The following ZNF292 variants were observed in gnomAD, a reference collection of about 807,000 sequenced individuals.
ZNF292 encodes the protein 16 zinc-finger domain protein.
In ZNF292, 26 loss-of-function variants were observed where a neutral mutation model predicts 217.9. The ratio of observed to expected loss-of-function variants is 0.12; its 90% CI spans 0.09 to 0.17. ZNF292 has a LOEUF of 0.17. ZNF292 is among the 10% of genes least tolerant of loss of function. The pLI, the probability that ZNF292 is intolerant of heterozygous loss-of-function variation, is 1.00. For synonymous variants in ZNF292, 1,257 were observed against 1,124.1 expected, an observed-to-expected ratio of 1.12 and a Z score of -2.37; for missense variants, 2,904 against 3,175.2, an observed-to-expected ratio of 0.91 and a Z score of 2.05.
intron 1 of ZNF292, among the ~76,000 whole-genome samples, chr6:87,170,855 TA>T (rs1480859174): frequency 6.6e-6 from 1 of 152,212 alleles, no homozygotes; most frequent in African/African-American, 2.4e-5. Flanking sequence ...TTTGTTTCTT[TA>T]TCCTTCAAAT....
intron 1 of ZNF292, among the ~76,000 whole-genome samples, chr6:87,198,226 A>G (rs1487543679): frequency 6.7e-6 from 1 of 150,112 alleles, no homozygotes; most frequent in Non-Finnish European, 1.5e-5. Flanking sequence ...ATTTTTTGAG[A>G]TGGAGTCTCG....
chr6:87,194,533 G>T lies in ZNF292; in HGVS notation c.169-21370G>T, dbSNP rs150993119. Among the ~76,000 whole-genome samples the T allele has an allele frequency of 2.7e-3, 415 of 152,186 alleles. 1 individual carries two copies. The highest frequency in any genetic ancestry group is 4.0e-3 in the Non-Finnish European group (271 of 67,998). ...ATAAGGAGACAACCATGGATCTAGG[G>T]GGGAGGAACTAAGTTTGCTGCTCTG... On this transcript the variant is annotated intron_variant, in intron 1 of 7. Transcript: ENST00000369577.
At chr6:87,157,063 T>A (rs1256856617) in intron 1 of ZNF292, among the ~76,000 whole-genome samples, 1 of 152,230 alleles carries the variant, frequency 6.6e-6, no homozygotes, top group Non-Finnish European at 1.5e-5. Context: ...ATTTTTTAGC[T>A]TCCAAATATT....
intron 2 of ZNF292, 70 bp downstream of exon 2, chr6:87,216,127 AC>A: frequency 5.1e-6 from 2 of 392,816 alleles, no homozygotes; most frequent in Non-Finnish European, 6.7e-6. Context: ...ACACACACAC[AC>A]ACACACACAC....
intron 1 of ZNF292, chr6:87,170,158 G>T (rs1325507714): frequency 2.0e-5 from 3 of 152,080 alleles, no homozygotes; most frequent in African/African-American, 2.4e-5. Context: ...ACTTCTACAA[G>T]ATTATTATAT....
At chr6:87,209,655 G>T (rs2127796175) in intron 1 of ZNF292, among the ~76,000 whole-genome samples, 1 of 152,254 alleles carries the variant, frequency 6.6e-6, no homozygotes, top group South Asian at 2.1e-4. Flanking sequence ...GCATTGAAGA[G>T]ATTTGAAAAA....
Position 87,261,832 on chromosome 6 carries a change from C to T in ZNF292, c.*31C>T, listed in dbSNP as rs1775621147. The T allele has an allele frequency of 2.9e-6, 4 of 1,357,032 alleles. No individual in the cohort carries two copies. Among genetic ancestry groups the T allele is most frequent in the Non-Finnish European group, 3.9e-6 (4 of 1,017,086 alleles). The allele number at this position is 1,357,032 out of a possible 1,614,324, so 84.1% of individuals were successfully genotyped here. A position where few individuals can be genotyped will look rare whatever the true frequency, so the allele number is the denominator to read the frequency against. On this transcript the variant is annotated 3_prime_UTR_variant, in exon 8 of 8. Transcript: ENST00000369577. Reference sequence around the variant, plus strand: ...AATGTAGTATAAATACATCATTTACCATTTTATTTTAAATAGGAAGCCATC... The same window carrying T: ...AATGTAGTATAAATACATCATTTACTATTTTATTTTAAATAGGAAGCCATC...
intron 7 of ZNF292, among the ~76,000 whole-genome samples, chr6:87,251,446 G>A (rs1307943703): frequency 2.0e-5 from 3 of 152,154 alleles, no homozygotes; most frequent in Admixed American, 2.0e-4. Flanking sequence ...AATGGGAAGA[G>A]GGTACAAAAG....
intron 7 of ZNF292, among the ~76,000 whole-genome samples, 155 bp downstream of exon 7, chr6:87,245,799 A>G (rs1488887499): frequency 6.6e-6 from 1 of 152,188 alleles, no homozygotes; most frequent in Non-Finnish European, 1.5e-5. Context: ...AAGATATTTG[A>G]TACAGAAAAA....
Position 87,259,020 on chromosome 6 carries a change from A to T in ZNF292, c.5391A>T (p.Ser1797=), listed in dbSNP as rs1197477803. The T allele has an allele frequency of 6.2e-7, 1 of 1,613,494 alleles. No individual in the cohort carries two copies. Among genetic ancestry groups the T allele is most frequent in the African/African-American group, 1.3e-5 (1 of 74,934 alleles). The change falls in exon 8 of 8, where the codon TCA becomes TCT. Residue 1797 remains serine, a synonymous_variant. Coordinates refer to ENST00000369577, the MANE Select transcript of ZNF292 (RefSeq NM_015021.3). ...TAAATTATAACATTCAGCTTCCTTC[A>T]GTAAACACTGTGCAAAATAACAAAT... The part of the protein sequence containing the change: ...AQINYNIQLP[S]VNTVQNNKLP...
intron 1 of ZNF292, among the ~76,000 whole-genome samples, chr6:87,211,424 A>G (rs1772481294): frequency 6.7e-6 from 1 of 149,398 alleles, no homozygotes; most frequent in Non-Finnish European, 1.5e-5. Flanking sequence ...TTACAAGTCA[A>G]TTTTTATTTC....
chr6:87,210,192 G>T lies in ZNF292; in HGVS notation c.169-5711G>T, dbSNP rs1772422879. 2.6e-5 allele frequency among the ~76,000 whole-genome samples: 4 copies of T among 152,118 alleles called. No homozygotes were observed. In the South Asian group the frequency reaches 8.3e-4, roughly 31 times the overall value. On this transcript the variant is annotated intron_variant, in intron 1 of 7. Transcript: ENST00000369577. ...TTTAAATAATGAGAAATAAACTTAAGAGCCAAATTGTTAAAGTGTGCATTT... is the reference window on the plus strand; with the variant it reads ...TTTAAATAATGAGAAATAAACTTAATAGCCAAATTGTTAAAGTGTGCATTT...
chr6:87,247,962 A>G (rs577855519), intron 7 of ZNF292, among the ~76,000 whole-genome samples: 1 of 152,346 alleles, frequency 6.6e-6, no homozygotes, highest in Non-Finnish European at 1.5e-5. Flanking sequence ...AGAGGGAGTT[A>G]ATGAACAGAG....
chr6:87,243,492 C>A lies in ZNF292; in HGVS notation c.759C>A (p.Cys253Ter). ...TTCTTTAGATTTCAGAAGTTGATTG[C>A]AAAGATGCACTGGAAATGATCTGTA... ...KLIEEISEVD[C>*]KDALEMICNL... is the part of the protein sequence containing the mutation. The change falls in exon 6 of 8, where the codon TGC (cysteine) becomes TGA (stop). Residue 253 changes from cysteine to a stop codon, truncating the protein, a stop_gained. Transcript: ENST00000369577. LOFTEE classifies it high-confidence loss of function. 1 of 1,544,776 alleles carries A rather than the reference C, an allele frequency of 6.5e-7. No homozygotes were observed. The highest frequency in any genetic ancestry group is 2.1e-5 in the Admixed American group (1 of 47,946).
Position 87,258,731 on chromosome 6 carries a change from A to G in ZNF292, c.5102A>G (p.Asp1701Gly), listed in dbSNP as rs764954064. 2 of 1,613,442 alleles carry G rather than the reference A, an allele frequency of 1.2e-6. No homozygotes were observed. The highest frequency in any genetic ancestry group is 2.2e-5 in the South Asian group (2 of 91,050). The change falls in exon 8 of 8, where the codon GAT becomes GGT. Residue 1701 changes from aspartate to glycine, a missense_variant. By Grantham distance (94) the Asp-to-Gly change is moderately conservative. Around this residue, in one of 15 missense-constraint regions of ZNF292, gnomAD observed 622 missense variants for 573.1 expected, o/e 1.09. Coordinates refer to ENST00000369577, the MANE Select transcript of ZNF292 (RefSeq NM_015021.3). ...NNVNNQLFMT[D>G]VKENFKTSLE... ...GTTAACAATCAGTTATTTATGACTG[A>G]TGTAAAAGAGAATTTCAAAACCAGT...
At chr6:87,186,361 T>C (rs1396692903) in intron 1 of ZNF292, among the ~76,000 whole-genome samples, 5 of 152,254 alleles carry the variant, frequency 3.3e-5, no homozygotes, top group African/African-American at 1.2e-4. Context: ...GAGTTTTGTT[T>C]TGGGAATGCC....
At chr6:87,161,828 T>G (rs1448966031) in intron 1 of ZNF292, among the ~76,000 whole-genome samples, 1 of 152,204 alleles carries the variant, frequency 6.6e-6, no homozygotes, top group Admixed American at 6.5e-5. Context: ...AACTTGATCT[T>G]TTTCCCATTC....
chr6:87,166,650 A>G (rs1770926007), intron 1 of ZNF292, among the ~76,000 whole-genome samples: 3 of 152,264 alleles, frequency 2.0e-5, no homozygotes, highest in Middle Eastern at 3.4e-3. Flanking sequence ...GTCATTGACT[A>G]TGTTATGTTG....
intron 1 of ZNF292, among the ~76,000 whole-genome samples, chr6:87,160,258 G>T (rs1770687807): frequency 6.6e-6 from 1 of 152,198 alleles, no homozygotes; most frequent in Non-Finnish European, 1.5e-5. Flanking sequence ...CAGAGGAGTT[G>T]TTCTAAAGAG....
Sources: gnomAD v4.1 joint callset for allele counts (sites outside exome capture counted in the v4.1 genomes callset) on GRCh38, gnomAD v4.1.1 for gene constraint, gnomAD v4.1.1 regional missense constraint, MANE v1.5 for transcripts, NCBI Gene and HGNC (gene_info 2026-07-23, HGNC 2026-07-21) for gene names.